GRIN2A: variants seen among roughly 807,000 people sequenced by gnomAD.
GRIN2A encodes the protein glutamate ionotropic receptor NMDA type subunit 2A.
A neutral mutation model predicts 113.4 loss-of-function variants in GRIN2A; 22 were observed. That is an observed-to-expected ratio of 0.19 (90% CI 0.14 to 0.28). GRIN2A has a LOEUF of 0.28. GRIN2A is among the 10% of genes least tolerant of loss of function. GRIN2A has a pLI of 1.00. For missense variants in GRIN2A, 1,502 were observed against 1,887.0 expected, an observed-to-expected ratio of 0.80 and a Z score of 3.78; for synonymous variants, 827 against 738.4, an observed-to-expected ratio of 1.12 and a Z score of -1.94.
intron 2 of GRIN2A, among the ~76,000 whole-genome samples, chr16:9,939,681 T>C (rs1310644343): frequency 6.6e-6 from 1 of 152,164 alleles, no homozygotes; most frequent in African/African-American, 2.4e-5. Context: ...ACAGAGCAAG[T>C]AGACATCTGT....
At chr16:9,984,283 G>T (rs987009194) in intron 2 of GRIN2A, among the ~76,000 whole-genome samples, 1 of 151,632 alleles carries the variant, frequency 6.6e-6, no homozygotes. Context: ...TCCCTTGTCA[G>T]TTGAGTAGTT....
At chr16:9,877,669 C>T (rs1440999242) in intron 4 of GRIN2A, among the ~76,000 whole-genome samples, 1 of 127,780 alleles carries the variant, frequency 7.8e-6, no homozygotes, top group African/African-American at 3.0e-5. Flanking sequence ...CTCTCTCTCC[C>T]CTTCTTCCCC....
At chr16:10,059,590 A>C (rs2047514345) in intron 2 of GRIN2A, among the ~76,000 whole-genome samples, 1 of 152,160 alleles carries the variant, frequency 6.6e-6, no homozygotes, top group Non-Finnish European at 1.5e-5. Context: ...GAAGCAAATA[A>C]TAACTTTAGA....
intron 2 of GRIN2A, among the ~76,000 whole-genome samples, chr16:10,032,898 C>T (rs989500191): frequency 6.6e-6 from 1 of 152,170 alleles, no homozygotes; most frequent in African/African-American, 2.4e-5. Context: ...TTATCATTGT[C>T]CTTAACCAAT....
chr16:10,148,122 T>C (rs1030795934), intron 2 of GRIN2A, among the ~76,000 whole-genome samples: 1 of 152,190 alleles, frequency 6.6e-6, no homozygotes, highest in Admixed American at 6.5e-5. Context: ...CCTCTCAACA[T>C]TGTAGAGCCC....
chr16:10,116,969 T>C (rs2048739709), intron 2 of GRIN2A, among the ~76,000 whole-genome samples: 1 of 151,734 alleles, frequency 6.6e-6, no homozygotes. Flanking sequence ...GAACTGTCCA[T>C]CTAAGCTTCA....
At chr16:9,782,229 A>G (rs957896739) in intron 11 of GRIN2A, among the ~76,000 whole-genome samples, 1 of 152,206 alleles carries the variant, frequency 6.6e-6, no homozygotes. Context: ...TTCCTAAACC[A>G]TACGGTGTAA....
chr16:10,047,082 A>G (rs1403431186), intron 2 of GRIN2A, among the ~76,000 whole-genome samples: 2 of 152,234 alleles, frequency 1.3e-5, no homozygotes, highest in East Asian at 3.8e-4. Flanking sequence ...ACACATTGCC[A>G]AACAGAGAAC....
At chr16:9,778,482 A>G (rs1174673796) in intron 11 of GRIN2A, among the ~76,000 whole-genome samples, 1 of 152,220 alleles carries the variant, frequency 6.6e-6, no homozygotes, top group Non-Finnish European at 1.5e-5. Flanking sequence ...GGTTATGAGG[A>G]CTTTTTAATA....
intron 2 of GRIN2A, among the ~76,000 whole-genome samples, chr16:10,064,016 GAT>G (rs1369796898): frequency 1.3e-5 from 2 of 152,098 alleles, no homozygotes; most frequent in African/African-American, 2.4e-5. Flanking sequence ...AGAACAATAG[GAT>G]TGTTCTGTTC....
chr16:10,137,846 T>C (rs536080175), intron 2 of GRIN2A, among the ~76,000 whole-genome samples: 24 of 152,284 alleles, frequency 1.6e-4, no homozygotes, highest in African/African-American at 5.1e-4. Flanking sequence ...GTCATGACTT[T>C]ATCCTCAGAG....
At position 9,864,094 on chromosome 16, in the gene GRIN2A, T is replaced by G. The variant is rs76057384; in HGVS notation, c.1123-14133A>C. 9.4e-3 allele frequency among the ~76,000 whole-genome samples: 1,427 copies of G among 152,306 alleles called. 8 individuals are homozygous for G. The highest frequency in any genetic ancestry group is 0.015 in the Non-Finnish European group (1,028 of 68,018). ...CCTGCATAAAGACAATTTAGAAATA[T>G]GGTAAAGGTTTTTGTTTGACCTTCT... On this transcript the variant is annotated intron_variant, in intron 4 of 12. Transcript: ENST00000330684.
At position 9,840,932 on chromosome 16, in the gene GRIN2A, T is replaced by G; in HGVS notation, c.1497+4A>C. The G allele has an allele frequency of 6.2e-7, 1 of 1,613,690 alleles. No homozygotes were observed. Among genetic ancestry groups the G allele is most frequent in the Non-Finnish European group, 8.5e-7 (1 of 1,179,710 alleles). On this transcript the variant is annotated splice_donor_region_variant and intron_variant, in intron 6 of 12. Transcript: ENST00000330684. ...AGAGCCTAGGGGATGAAAAGATAAC[T>G]TACTTCACCGATCATTCCATTCCAC...
chr16:9,772,812 A>G (rs563418781), intron 11 of GRIN2A, among the ~76,000 whole-genome samples: 1 of 151,772 alleles, frequency 6.6e-6, no homozygotes, highest in African/African-American at 2.4e-5. Context: ...GATATAAGAA[A>G]CATCATCTCG....
intron 11 of GRIN2A, among the ~76,000 whole-genome samples, chr16:9,776,733 AC>A (rs1419557500): frequency 2.0e-5 from 3 of 151,698 alleles, no homozygotes; most frequent in Non-Finnish European, 4.4e-5. Flanking sequence ...AGGGTAACTG[AC>A]CCCATTTCAA....
At chr16:9,877,816 C>G (rs533314918) in intron 4 of GRIN2A, among the ~76,000 whole-genome samples, 31 of 113,880 alleles carry the variant, frequency 2.7e-4, no homozygotes, top group African/African-American at 1.0e-3. Flanking sequence ...TCCCTCTCCC[C>G]CCATCCCCCC....
At chr16:9,806,905 A>G (rs2041980957) in intron 10 of GRIN2A, among the ~76,000 whole-genome samples, 1 of 151,964 alleles carries the variant, frequency 6.6e-6, no homozygotes, top group Non-Finnish European at 1.5e-5. Context: ...CTGTTGTGGG[A>G]GGGACCCAGT....
intron 11 of GRIN2A, among the ~76,000 whole-genome samples, chr16:9,785,096 C>A (rs1301234004): frequency 6.6e-6 from 1 of 152,216 alleles, no homozygotes; most frequent in East Asian, 1.9e-4. Flanking sequence ...TGGGTATATA[C>A]CCAAAGGATT....
At chr16:9,878,854 GACACAC>G (rs35475437) in intron 4 of GRIN2A, among the ~76,000 whole-genome samples, 8 of 149,194 alleles carry the variant, frequency 5.4e-5, no homozygotes, top group Admixed American at 1.3e-4. Context: ...ACCAGTGCAA[GACACAC>G]ACACACACAC....
Sources: allele counts gnomAD v4.1 joint callset (sites outside exome capture counted in the v4.1 genomes callset), GRCh38; gene constraint gnomAD v4.1.1; transcripts MANE v1.5; gene names NCBI Gene and HGNC (gene_info 2026-07-23, HGNC 2026-07-21).